Variants in CACNA2D3 observed in about 807,000 individuals in gnomAD.
CACNA2D3 encodes the protein calcium voltage-gated channel auxiliary subunit alpha2delta 3.
Under a neutral mutation model 160.6 loss-of-function variants are expected in CACNA2D3, and 60 were observed. The ratio of observed to expected loss-of-function variants is 0.37; its 90% CI spans 0.30 to 0.46. The LOEUF is 0.46. Ranked by LOEUF, CACNA2D3 falls within the 20% of genes least tolerant of loss-of-function variation. The probability of loss-of-function intolerance (pLI) is 1.00; values close to 1 mark genes in which losing one functional copy is unlikely to be tolerated. For synonymous variants in CACNA2D3, 558 were observed against 492.9 expected (o/e 1.13, Z -1.75); for missense variants, 1,205 against 1,365.0 (o/e 0.88, Z 1.85).
chr3:54,329,869 G>T (rs558962329), intron 3 of CACNA2D3, among the ~76,000 whole-genome samples: 1 of 152,292 alleles, frequency 6.6e-6, no homozygotes, highest in Non-Finnish European at 1.5e-5. Context: ...GCGATGTGTT[G>T]GTGGCATTGG....
chr3:54,215,965 C>T (rs9839389), intron 2 of CACNA2D3, among the ~76,000 whole-genome samples: 102,589 of 151,674 alleles, frequency 0.68, 35,711 homozygotes, highest in East Asian at 1. Context: ...TGTATGTGTA[C>T]ATGTGTGTCC....
At chr3:54,451,442 G>A (rs924095342) in intron 4 of CACNA2D3, among the ~76,000 whole-genome samples, 3 of 151,720 alleles carry the variant, frequency 2.0e-5, no homozygotes, top group Non-Finnish European at 2.9e-5. Context: ...AACCTTGTTA[G>A]TCTTCTACAA....
intron 35 of CACNA2D3, among the ~76,000 whole-genome samples, chr3:55,044,206 A>T (rs1392410034): frequency 6.6e-6 from 1 of 152,180 alleles, no homozygotes. Flanking sequence ...GAGCCCTGAC[A>T]TCTTAACACA....
intron 13 of CACNA2D3, among the ~76,000 whole-genome samples, chr3:54,781,705 G>A (rs9836083): frequency 0.031 from 4,674 of 152,360 alleles, 222 homozygotes; most frequent in African/African-American, 0.11. Flanking sequence ...CAGTGAGGCT[G>A]TAACAAGTCT....
chr3:54,585,828 A>G (rs1702750647), intron 9 of CACNA2D3, among the ~76,000 whole-genome samples: 1 of 152,150 alleles, frequency 6.6e-6, no homozygotes, highest in Admixed American at 6.6e-5. Flanking sequence ...TCAAGATGAG[A>G]TTTGGGTGGG....
chr3:54,264,361 AT>A (rs1167423925), intron 2 of CACNA2D3, among the ~76,000 whole-genome samples: 3 of 152,120 alleles, frequency 2.0e-5, no homozygotes, highest in African/African-American at 7.2e-5. Context: ...AGTGTCTGTG[AT>A]TTTTTTCTTT....
At chr3:54,929,975 T>C (rs906492189) in intron 27 of CACNA2D3, among the ~76,000 whole-genome samples, 5 of 152,026 alleles carry the variant, frequency 3.3e-5, no homozygotes, top group Admixed American at 3.3e-4. Flanking sequence ...TTCCCTGGGG[T>C]CAGAAACATT....
chr3:55,027,790 A>G (rs1482130448), intron 35 of CACNA2D3, among the ~76,000 whole-genome samples: 2 of 152,216 alleles, frequency 1.3e-5, no homozygotes, highest in South Asian at 2.1e-4. Flanking sequence ...GCCTTCCGCA[A>G]TGGAACATAC....
intron 2 of CACNA2D3, among the ~76,000 whole-genome samples, chr3:54,237,469 G>T (rs1197360094): frequency 1.3e-5 from 2 of 152,134 alleles, no homozygotes; most frequent in Non-Finnish European, 2.9e-5. Context: ...AAGTATCCAT[G>T]AAGTTTGGAT....
intron 4 of CACNA2D3, among the ~76,000 whole-genome samples, chr3:54,408,312 C>T (rs921602729): frequency 1.3e-5 from 2 of 152,038 alleles, no homozygotes; most frequent in African/African-American, 2.4e-5. Context: ...GCACAGAGAA[C>T]ACATAATATC....
chr3:54,543,802 T>G (rs1214979015), intron 5 of CACNA2D3, among the ~76,000 whole-genome samples: 1 of 152,238 alleles, frequency 6.6e-6, no homozygotes, highest in Non-Finnish European at 1.5e-5. Flanking sequence ...GATTTTAGAA[T>G]TTGCAGTTGA....
At chr3:54,969,649 T>C (rs1184179987) in intron 28 of CACNA2D3, 151 bp from the exon 29 acceptor site, 1 of 620,130 alleles carries the variant, frequency 1.6e-6, no homozygotes, top group Non-Finnish European at 2.9e-6. Context: ...AGACACATCA[T>C]GGAGCATTCC....
intron 4 of CACNA2D3, among the ~76,000 whole-genome samples, chr3:54,485,731 T>G (rs1575483342): frequency 6.6e-6 from 1 of 152,078 alleles, no homozygotes; most frequent in East Asian, 1.9e-4. Context: ...GCTTAGCCAA[T>G]TTTTATATTT....
At chr3:54,199,595 A>G (rs1177851469) in intron 2 of CACNA2D3, among the ~76,000 whole-genome samples, 1 of 148,154 alleles carries the variant, frequency 6.7e-6, no homozygotes, top group Non-Finnish European at 1.5e-5. Flanking sequence ...CTGTCCTAGA[A>G]CTCCTATTTT....
intron 29 of CACNA2D3, among the ~76,000 whole-genome samples, chr3:54,974,795 A>G (rs1702348954): frequency 6.6e-6 from 1 of 152,180 alleles, no homozygotes; most frequent in Admixed American, 6.5e-5. Flanking sequence ...TGTCTGTTTG[A>G]ACTCCTAATT....
intron 11 of CACNA2D3, among the ~76,000 whole-genome samples, chr3:54,661,360 A>C (rs893965669): frequency 6.6e-6 from 1 of 152,216 alleles, no homozygotes; most frequent in Admixed American, 6.5e-5. Flanking sequence ...CTATGCCTCA[A>C]TGGGACAGAA....
chr3:54,927,605 A>G (rs1701060154), intron 27 of CACNA2D3, among the ~76,000 whole-genome samples: 1 of 151,988 alleles, frequency 6.6e-6, no homozygotes, highest in Non-Finnish European at 1.5e-5. Context: ...CTTTGGTTCC[A>G]CTTTTCCCCC....
chr3:54,665,893 T>C (rs538708953), intron 11 of CACNA2D3, among the ~76,000 whole-genome samples: 12 of 151,528 alleles, frequency 7.9e-5, no homozygotes, highest in Non-Finnish European at 1.3e-4. Flanking sequence ...CCTCAACCTC[T>C]CAGGTTCAAG....
intron 17 of CACNA2D3, among the ~76,000 whole-genome samples, chr3:54,856,379 G>C (rs1699170790): frequency 6.6e-6 from 1 of 152,136 alleles, no homozygotes; most frequent in Non-Finnish European, 1.5e-5. Context: ...AGCAGCAGAA[G>C]GCCTTTCAGA....
Sources: gnomAD v4.1 joint callset for allele counts (sites outside exome capture counted in the v4.1 genomes callset) on GRCh38, gnomAD v4.1.1 for gene constraint, MANE v1.5 for transcripts, NCBI Gene and HGNC (gene_info 2026-07-23, HGNC 2026-07-21) for gene names.